Variants in SUPT3H observed in about 807,000 individuals in gnomAD.
SUPT3H encodes the protein SPT3 homolog, SAGA and STAGA complex component.
SUPT3H carries 44 observed loss-of-function variants against 44.3 expected under a neutral mutation model. The ratio of observed to expected loss-of-function variants is 0.99; its 90% CI spans 0.78 to 1.28. The LOEUF is 1.28. SUPT3H is among the 50% of genes most tolerant of loss of function. The probability of loss-of-function intolerance (pLI) is 0.00; values close to 1 mark genes in which losing one functional copy is unlikely to be tolerated. For synonymous variants in SUPT3H, 124 were observed against 125.6 expected (o/e 0.99, Z 0.09); for missense variants, 380 against 387.1 (o/e 0.98, Z 0.15).
At chr6:45,067,534 A>G (rs1793576157) in intron 3 of SUPT3H, among the ~76,000 whole-genome samples, 1 of 151,472 alleles carries the variant, frequency 6.6e-6, no homozygotes. Context: ...GCAACCAACA[A>G]AATGGGAGAA....
intron 2 of SUPT3H, among the ~76,000 whole-genome samples, chr6:45,125,044 A>C (rs557374397): frequency 6.6e-6 from 1 of 152,158 alleles, no homozygotes; most frequent in Non-Finnish European, 1.5e-5. Flanking sequence ...TAAAGCTAGG[A>C]GAGACAAGGA....
intron 2 of SUPT3H, among the ~76,000 whole-genome samples, chr6:45,141,338 CAAAAAAAAAAAAA>C (rs1162738855): frequency 4.4e-5 from 2 of 45,280 alleles, no homozygotes; most frequent in Non-Finnish European, 6.9e-5. Context: ...GACTCCATCT[CAAAAAAAAAAAAA>C]AAAAAAAAAA....
chr6:44,841,677 A>G (rs1770965219), intron 10 of SUPT3H, among the ~76,000 whole-genome samples: 3 of 152,334 alleles, frequency 2.0e-5, no homozygotes, highest in Admixed American at 1.3e-4. Context: ...ATAAAGAAAA[A>G]TCAGTTATTC....
intron 2 of SUPT3H, among the ~76,000 whole-genome samples, chr6:45,300,716 T>C (rs554619269): frequency 6.6e-6 from 1 of 152,320 alleles, no homozygotes; most frequent in Admixed American, 6.5e-5. Flanking sequence ...TGCCACTGAA[T>C]TGTATACTTT....
At chr6:45,107,065 G>A (rs947893375) in intron 2 of SUPT3H, among the ~76,000 whole-genome samples, 2 of 152,144 alleles carry the variant, frequency 1.3e-5, no homozygotes, top group Non-Finnish European at 2.9e-5. Flanking sequence ...AGATTTTCAA[G>A]AATGGATTAA....
chr6:45,156,447 T>C (rs1270304480), intron 2 of SUPT3H, among the ~76,000 whole-genome samples: 1 of 152,158 alleles, frequency 6.6e-6, no homozygotes, highest in Non-Finnish European at 1.5e-5. Flanking sequence ...ACCTTTGCTG[T>C]CACATTTAAA....
intron 2 of SUPT3H, among the ~76,000 whole-genome samples, chr6:45,338,801 G>A (rs751540837): frequency 6.6e-6 from 1 of 152,056 alleles, no homozygotes; most frequent in African/African-American, 2.4e-5. Flanking sequence ...TTCTCTGGAT[G>A]AGACAAGGGA....
At chr6:45,280,774 T>C (rs888321326) in intron 2 of SUPT3H, among the ~76,000 whole-genome samples, 14 of 152,294 alleles carry the variant, frequency 9.2e-5, no homozygotes, top group African/African-American at 2.9e-4. Context: ...ATAAAATATA[T>C]GGGCAAATTA....
At chr6:45,265,700 A>T (rs1221667946) in intron 2 of SUPT3H, among the ~76,000 whole-genome samples, 1 of 152,102 alleles carries the variant, frequency 6.6e-6, no homozygotes, top group Non-Finnish European at 1.5e-5. Context: ...TAACAGTATT[A>T]CATGGCCAAG....
chr6:45,175,098 T>C lies in SUPT3H; in HGVS notation c.102-69092A>G, dbSNP rs539681378. 3.9e-5 allele frequency among the ~76,000 whole-genome samples: 6 copies of C among 151,920 alleles called. No individual in the cohort carries two copies. The South Asian group carries it at 1.0e-3, about 26-fold the overall frequency. On this transcript the variant is annotated intron_variant, in intron 2 of 10. Coordinates refer to ENST00000371459, the MANE Select transcript of SUPT3H (RefSeq NM_003599.4). ...ATTTTTGCTGAATACTAGATTGTTA[T>C]TTACTTACATAGAACTTCCTACTAT...
chr6:45,016,528 G>A (rs1583068947), intron 4 of SUPT3H, among the ~76,000 whole-genome samples: 1 of 120,454 alleles, frequency 8.3e-6, no homozygotes, highest in East Asian at 2.5e-4. Context: ...AGAGTGTGAT[G>A]TTCCCCTTAC....
chr6:45,031,147 T>G (rs2153523814), intron 3 of SUPT3H, among the ~76,000 whole-genome samples: 1 of 152,312 alleles, frequency 6.6e-6, no homozygotes, highest in South Asian at 2.1e-4. Context: ...TAAATGTTAT[T>G]GACATTTATT....
rs572823081 is a variant in SUPT3H, at chr6:45,363,923, T to C, written c.101+1278A>G. On this transcript the variant is annotated intron_variant, in intron 2 of 10. Coordinates refer to ENST00000371459, the MANE Select transcript of SUPT3H (RefSeq NM_003599.4). ...TTTCTTTTTAAATTCTAAGTAATTC[T>C]GGCCAACATGGCGAAACCCTGTCTC... Among the ~76,000 whole-genome samples the C allele has an allele frequency of 9.9e-5, 15 of 152,060 alleles. No individual in the cohort carries two copies. The East Asian group carries it at 2.9e-3, about 29-fold the overall frequency.
At chr6:45,312,537 A>T (rs1001295698) in intron 2 of SUPT3H, among the ~76,000 whole-genome samples, 1 of 151,674 alleles carries the variant, frequency 6.6e-6, no homozygotes, top group African/African-American at 2.4e-5. Flanking sequence ...AAAGACAAAA[A>T]GGGACATTAT....
chr6:45,256,027 C>T (rs966029197), intron 2 of SUPT3H, among the ~76,000 whole-genome samples: 4 of 152,136 alleles, frequency 2.6e-5, no homozygotes, highest in Non-Finnish European at 4.4e-5. Flanking sequence ...AAAAATTAAC[C>T]GGGCGTGGTT....
At chr6:44,865,659 C>A (rs1488648802) in intron 10 of SUPT3H, among the ~76,000 whole-genome samples, 1 of 152,094 alleles carries the variant, frequency 6.6e-6, no homozygotes, top group Non-Finnish European at 1.5e-5. Context: ...ATGGGAGAAA[C>A]CACCATGATT....
In SUPT3H at chr6:44,901,795, G is replaced by A. The variant is rs1765111067; in HGVS notation, c.912+30858C>T. 2.0e-5 allele frequency among the ~76,000 whole-genome samples: 3 copies of A among 152,164 alleles called. No individual in the cohort carries two copies. In the South Asian group the frequency reaches 6.2e-4, roughly 31 times the overall value. ...AGAGAAAGGTCGGGTTACCCACAAA[G>A]GGAAGCCCATCAGACTAACAGCTGA... On this transcript the variant is annotated intron_variant, in intron 10 of 10. Coordinates refer to ENST00000371459, the MANE Select transcript of SUPT3H (RefSeq NM_003599.4).
At chr6:45,348,674 C>CAAA (rs574845659) in intron 2 of SUPT3H, among the ~76,000 whole-genome samples, 1 of 76,018 alleles carries the variant, frequency 1.3e-5, no homozygotes, top group Non-Finnish European at 2.4e-5. Flanking sequence ...AACTCCAACT[C>CAAA]AAAAAAAAAA....
At chr6:45,157,195 C>T (rs539564752) in intron 2 of SUPT3H, among the ~76,000 whole-genome samples, 2 of 151,944 alleles carry the variant, frequency 1.3e-5, no homozygotes, top group Non-Finnish European at 2.9e-5. Context: ...TTTCAATAAT[C>T]TCATAATAAT....
Sources: gnomAD v4.1 joint callset for allele counts (sites outside exome capture counted in the v4.1 genomes callset) on GRCh38, gnomAD v4.1.1 for gene constraint, MANE v1.5 for transcripts, NCBI Gene and HGNC (gene_info 2026-07-23, HGNC 2026-07-21) for gene names.